SMCO2: variants seen among roughly 807,000 people sequenced by gnomAD.
SMCO2 encodes single-pass membrane protein with coiled-coil domains 2.
A neutral mutation model predicts 29.5 loss-of-function variants in SMCO2; 25 were observed. The ratio of observed to expected loss-of-function variants is 0.85; its 90% CI spans 0.62 to 1.18. The LOEUF (loss-of-function observed/expected upper bound fraction) is 1.18, where lower values mean the gene tolerates loss of function less well. Among genes scored for constraint, SMCO2 ranks in the 50% most tolerant of loss-of-function variants. SMCO2 has a pLI of 0.00. For synonymous variants in SMCO2, 117 were observed against 123.3 expected, an observed-to-expected ratio of 0.95 and a Z score of 0.34; for missense variants, 348 against 344.5, an observed-to-expected ratio of 1.01 and a Z score of -0.08.
In SMCO2 at chr12:27,467,690, C is replaced by T. The variant is rs1038706376; in HGVS notation, c.-11+715C>T. ...TTTATGTGTAATAGTAGGATGACTGCAAAACTTATAGTCAGAATTTGCAGG... is the reference window on the plus strand; with the variant it reads ...TTTATGTGTAATAGTAGGATGACTGTAAAACTTATAGTCAGAATTTGCAGG... On this transcript the variant is annotated intron_variant, in intron 1 of 7. Coordinates refer to ENST00000298876, the Ensembl canonical transcript of SMCO2. Among the ~76,000 whole-genome samples the T allele has an allele frequency of 7.2e-5, 11 of 152,076 alleles. 1 individual carries two copies. In the South Asian group the frequency reaches 1.0e-3, roughly 14 times the overall value.
chr12:27,433,542 CATAT>C, the SMCO2 span, among the ~76,000 whole-genome samples: 2 of 132,510 alleles, frequency 1.5e-5, no homozygotes, highest in Admixed American at 1.5e-4. Context: ...CACACACACA[CATAT>C]ATCATATTCT....
At chr12:27,472,670 G>C in intron 2 of SMCO2, 106 bp from the exon 3 acceptor site, 1 of 729,894 alleles carries the variant, frequency 1.4e-6, no homozygotes, top group Non-Finnish European at 2.2e-6. Context: ...TGCTCCCTGG[G>C]ACTGGGGAAG....
intron 2 of SMCO2, 48 bp downstream of exon 2, chr12:27,470,813 C>A: frequency 6.5e-7 from 1 of 1,539,278 alleles, no homozygotes; most frequent in Non-Finnish European, 8.8e-7. Context: ...GTCCCAACTG[C>A]AGACGTTCTT....
chr12:27,482,042 G>C (rs991692082), intron 4 of SMCO2, among the ~76,000 whole-genome samples: 3 of 150,080 alleles, frequency 2.0e-5, no homozygotes, highest in African/African-American at 7.4e-5. Context: ...TTCTTCTGCT[G>C]ACTTTAGGCT....
chr12:27,461,820 C>T (rs933121174), upstream of SMCO2, among the ~76,000 whole-genome samples: 2 of 152,218 alleles, frequency 1.3e-5, no homozygotes, highest in Admixed American at 6.5e-5. Context: ...CTTCTTCATT[C>T]ATCAGAACAA....
intron 5 of SMCO2, among the ~76,000 whole-genome samples, chr12:27,491,578 T>A (rs372964466): frequency 6.6e-6 from 1 of 152,194 alleles, no homozygotes; most frequent in East Asian, 1.9e-4. Context: ...ATTCTCTAAT[T>A]CACCTATAAG....
intron 4 of SMCO2, among the ~76,000 whole-genome samples, chr12:27,476,884 C>G (rs1244409742): frequency 6.6e-6 from 1 of 151,882 alleles, no homozygotes; most frequent in Non-Finnish European, 1.5e-5. Flanking sequence ...TTATTCCTGT[C>G]ATTTTGTTCA....
the SMCO2 span, among the ~76,000 whole-genome samples, chr12:27,458,751 G>A: frequency 1.3e-5 from 2 of 152,044 alleles, no homozygotes; most frequent in African/African-American, 4.8e-5. Context: ...GCCGGGCATG[G>A]TGGCAGGCGC....
upstream of SMCO2, among the ~76,000 whole-genome samples, chr12:27,463,787 A>T (rs1328121488): frequency 2.0e-5 from 3 of 152,220 alleles, no homozygotes; most frequent in Admixed American, 2.0e-4. Context: ...AAGCAGTTAA[A>T]ATATGAATAT....
intron 4 of SMCO2, 56 bp from the exon 6 acceptor site, chr12:27,488,404 C>T: frequency 1.6e-6 from 2 of 1,227,332 alleles, no homozygotes; most frequent in Non-Finnish European, 2.2e-6. Flanking sequence ...AAATTACCTC[C>T]TCTCTTGGGT....
At chr12:27,472,666 C>T in intron 2 of SMCO2, 110 bp from the exon 3 acceptor site, 1 of 709,928 alleles carries the variant, frequency 1.4e-6, no homozygotes, top group Non-Finnish European at 2.3e-6. Context: ...CAGATGCTCC[C>T]TGGGACTGGG....
chr12:27,467,012 C>T (rs1192308850), intron 1 of SMCO2: 1 of 152,122 alleles, frequency 6.6e-6, no homozygotes, highest in Admixed American at 6.6e-5. Context: ...CTCATTATGA[C>T]CTTGTCAGGA....
chr12:27,463,785 A>C (rs186404163), upstream of SMCO2, among the ~76,000 whole-genome samples: 120 of 152,374 alleles, frequency 7.9e-4, no homozygotes, highest in Admixed American at 1.4e-3. Context: ...ACAAGCAGTT[A>C]AAATATGAAT....
intron 5 of SMCO2, among the ~76,000 whole-genome samples, chr12:27,492,919 CAT>C (rs974869870): frequency 1.8e-4 from 27 of 152,112 alleles, no homozygotes; most frequent in Non-Finnish European, 3.2e-4. Context: ...ATAGCAAAGA[CAT>C]AGAATCAACC....
At chr12:27,498,156 AC>A in intron 7 of SMCO2, 1 of 364,220 alleles carries the variant, frequency 2.7e-6, no homozygotes, top group South Asian at 3.0e-5. Flanking sequence ...CGGTTGAGTG[AC>A]AACATCTTCT....
intron 4 of SMCO2, among the ~76,000 whole-genome samples, chr12:27,485,935 A>G (rs1164615020): frequency 6.6e-6 from 1 of 152,142 alleles, no homozygotes; most frequent in African/African-American, 2.4e-5. Context: ...GACCCTTTTG[A>G]GGATTGCTTT....
chr12:27,432,571 T>C, the SMCO2 span, among the ~76,000 whole-genome samples: 2 of 152,210 alleles, frequency 1.3e-5, no homozygotes. Flanking sequence ...AAAAGAGGGA[T>C]AGCATTTGTA....
intron 5 of SMCO2, among the ~76,000 whole-genome samples, chr12:27,491,703 T>G (rs908981661): frequency 1.3e-5 from 2 of 148,854 alleles, no homozygotes; most frequent in African/African-American, 5.0e-5. Context: ...TTTATATATA[T>G]ATAGATCTTT....
intron 4 of SMCO2, among the ~76,000 whole-genome samples, chr12:27,477,821 T>C (rs1592208350): frequency 1.3e-5 from 2 of 152,266 alleles, no homozygotes; most frequent in South Asian, 4.1e-4. Flanking sequence ...TTGACTTCTT[T>C]GTATTGCTTA....
Sources: gnomAD v4.1 joint callset for allele counts (sites outside exome capture counted in the v4.1 genomes callset) on GRCh38, gnomAD v4.1.1 for gene constraint, MANE v1.5 for transcripts, NCBI Gene and HGNC (gene_info 2026-07-23, HGNC 2026-07-21) for gene names.